Variants in XKR9 observed in about 807,000 individuals in gnomAD.
XKR9 encodes XK related 9, also known as XK-related protein 9.
In XKR9, 32 loss-of-function variants were observed where a neutral mutation model predicts 32.0. That is an observed-to-expected ratio of 1.00 (90% CI 0.76 to 1.34). The LOEUF (loss-of-function observed/expected upper bound fraction) is 1.34, where lower values mean the gene tolerates loss of function less well. Ranked by LOEUF, XKR9 falls within the 40% of genes most tolerant of loss-of-function variation. The probability of loss-of-function intolerance (pLI) is 0.00; values close to 1 mark genes in which losing one functional copy is unlikely to be tolerated. For missense variants in XKR9, 546 were observed against 429.7 expected, an observed-to-expected ratio of 1.27 and a Z score of -2.39; for synonymous variants, 168 against 143.4, an observed-to-expected ratio of 1.17 and a Z score of -1.22.
At chr8:70,711,352 T>C (rs1455996056) in intron 4 of XKR9, among the ~76,000 whole-genome samples, 2 of 152,164 alleles carry the variant, frequency 1.3e-5, no homozygotes, top group African/African-American at 2.4e-5. Flanking sequence ...CTTTTCACAA[T>C]AGCAAAGACA....
At chr8:70,984,010 A>G in the XKR9 span, among the ~76,000 whole-genome samples, 1 of 152,206 alleles carries the variant, frequency 6.6e-6, no homozygotes, top group Non-Finnish European at 1.5e-5. Context: ...TTACGCTACA[A>G]ACTTTGGTAT....
intron 2 of XKR9, among the ~76,000 whole-genome samples, chr8:70,758,567 A>T (rs1481144310): frequency 6.6e-6 from 1 of 152,182 alleles, no homozygotes; most frequent in Non-Finnish European, 1.5e-5. Flanking sequence ...ATATGGGATT[A>T]CCCAGATAAT....
the XKR9 span, among the ~76,000 whole-genome samples, chr8:70,950,786 G>C: frequency 6.6e-6 from 1 of 152,078 alleles, no homozygotes; most frequent in Admixed American, 6.5e-5. Context: ...TGATTCTGCT[G>C]CCTCAGCCTC....
At chr8:70,715,671 A>G (rs796694736) in intron 4 of XKR9, among the ~76,000 whole-genome samples, 14 of 152,320 alleles carry the variant, frequency 9.2e-5, no homozygotes, top group African/African-American at 3.4e-4. Context: ...ACATCATTAT[A>G]TCATTTCAGA....
chr8:70,734,075 G>C lies in XKR9; in HGVS notation c.773G>C (p.Ser258Thr). 1.2e-6 allele frequency: 2 copies of C among 1,613,034 alleles called. No homozygotes were observed. The highest frequency in any genetic ancestry group is 1.7e-6 in the Non-Finnish European group (2 of 1,179,324). ...KNNTQFCTCI[S>T]MEFLYRIVVG... ...AACACCCAGTTTTGTACTTGTATAA[G>C]TATGGAATTCTTATATAGGATTGTT... is the stretch of plus-strand genomic sequence containing the variant. The change falls in exon 5 of 5, where the codon AGT (serine) becomes ACT (threonine). Residue 258 changes from serine to threonine, a missense_variant. Ser to Thr is a moderately conservative substitution (Grantham distance 58). Coordinates refer to ENST00000408926, the MANE Select transcript of XKR9 (RefSeq NM_001011720.2).
intron 2 of XKR9, among the ~76,000 whole-genome samples, chr8:70,749,830 T>G (rs1807112893): frequency 6.6e-6 from 1 of 152,228 alleles, no homozygotes; most frequent in Admixed American, 6.5e-5. Flanking sequence ...ATAAGACAAG[T>G]AGGTTTAATC....
chr8:71,032,492 G>A, the XKR9 span, among the ~76,000 whole-genome samples: 4 of 152,004 alleles, frequency 2.6e-5, no homozygotes, highest in Non-Finnish European at 5.9e-5. Flanking sequence ...GCAGCAAACA[G>A]AAGGAAAAGG....
intron 2 of XKR9, among the ~76,000 whole-genome samples, chr8:70,749,797 C>A (rs1179418474): frequency 3.3e-5 from 5 of 152,196 alleles, no homozygotes; most frequent in Non-Finnish European, 5.9e-5. Context: ...ACAGACCAGC[C>A]ACCCTAGGGT....
At chr8:71,045,180 T>TAAG in the XKR9 span, among the ~76,000 whole-genome samples, 1 of 152,250 alleles carries the variant, frequency 6.6e-6, no homozygotes, top group African/African-American at 2.4e-5. Context: ...CTGTAGGTTA[T>TAAG]AAATCTTTAG....
At chr8:70,809,961 G>A in the XKR9 span, among the ~76,000 whole-genome samples, 1 of 152,084 alleles carries the variant, frequency 6.6e-6, no homozygotes, top group Non-Finnish European at 1.5e-5. Context: ...TACTCCTCGA[G>A]AAGAGCAACT....
chr8:70,775,274 AT>A lies in XKR9; in HGVS notation n.353-14061del, dbSNP rs569842013. On this transcript the variant is annotated intron_variant and non_coding_transcript_variant, in intron 2 of 3. Transcript: ENST00000520273. ...CAGTCATGTCTTGCAAATTAAGACA[AT>A]TTTGGCTCTTTTTTTCCAAGTAGTA... 6.6e-5 allele frequency among the ~76,000 whole-genome samples: 10 copies of A among 152,230 alleles called. No homozygotes were observed. The East Asian group carries it at 1.7e-3, about 26-fold the overall frequency.
the XKR9 span, among the ~76,000 whole-genome samples, chr8:71,042,337 C>T: frequency 1.2e-3 from 180 of 152,212 alleles, no homozygotes; most frequent in African/African-American, 4.2e-3. Context: ...GAGCCCACCT[C>T]TCAGAGGGGG....
chr8:70,908,125 C>G, the XKR9 span, among the ~76,000 whole-genome samples: 1 of 152,100 alleles, frequency 6.6e-6, no homozygotes, highest in South Asian at 2.1e-4. Flanking sequence ...TTGAAATGAA[C>G]ATAAACTGTA....
At chr8:70,797,107 C>A in the XKR9 span, among the ~76,000 whole-genome samples, 1 of 152,186 alleles carries the variant, frequency 6.6e-6, no homozygotes, top group African/African-American at 2.4e-5. Context: ...GGAAAGTTCA[C>A]ACATGAATCC....
chr8:70,805,674 A>C, the XKR9 span, among the ~76,000 whole-genome samples: 2 of 152,014 alleles, frequency 1.3e-5, no homozygotes, highest in Non-Finnish European at 2.9e-5. Flanking sequence ...CGTGACCCTG[A>C]CTCATCCTTA....
the XKR9 span, among the ~76,000 whole-genome samples, chr8:70,855,111 A>G: frequency 0.98 from 148,964 of 152,184 alleles, 72,916 homozygotes; most frequent in East Asian, 1. Flanking sequence ...ATTACCTTGG[A>G]CAGTATGATG....
chr8:70,855,398 T>A, the XKR9 span, among the ~76,000 whole-genome samples: 80 of 152,102 alleles, frequency 5.3e-4, no homozygotes, highest in African/African-American at 1.9e-3. Flanking sequence ...ACGAAATGAA[T>A]GAAATGAAGC....
the XKR9 span, among the ~76,000 whole-genome samples, chr8:70,980,050 T>C: frequency 6.6e-6 from 1 of 152,226 alleles, no homozygotes; most frequent in South Asian, 2.1e-4. Flanking sequence ...GCTCCATGTG[T>C]GTGGGACCCA....
the XKR9 span, among the ~76,000 whole-genome samples, chr8:71,009,929 A>T: frequency 6.6e-6 from 1 of 152,214 alleles, no homozygotes; most frequent in Non-Finnish European, 1.5e-5. Flanking sequence ...TTGAGGTTGG[A>T]AGATGACCAG....
Sources: allele counts gnomAD v4.1 joint callset (sites outside exome capture counted in the v4.1 genomes callset), GRCh38; gene constraint gnomAD v4.1.1; transcripts MANE v1.5; gene names NCBI Gene and HGNC (gene_info 2026-07-23, HGNC 2026-07-21).